The following KCNIP1 variants were observed in gnomAD, a reference collection of about 807,000 sequenced individuals.
KCNIP1 encodes the protein potassium voltage-gated channel interacting protein 1.
Under a neutral mutation model 33.0 loss-of-function variants are expected in KCNIP1, and 18 were observed. The observed-to-expected ratio is 0.55, with a 90% CI of 0.38 to 0.81. KCNIP1 has a LOEUF of 0.81. Ranked by LOEUF, KCNIP1 falls within the 30% of genes least tolerant of loss-of-function variation. The pLI is 0.00. For missense variants in KCNIP1, 238 were observed against 271.6 expected, an observed-to-expected ratio of 0.88 and a Z score of 0.87; for synonymous variants, 93 against 98.3, an observed-to-expected ratio of 0.95 and a Z score of 0.32.
At chr5:170,364,000 C>CTTT (rs56966570) in intron 1 of KCNIP1, among the ~76,000 whole-genome samples, 2 of 135,008 alleles carry the variant, frequency 1.5e-5, no homozygotes, top group Non-Finnish European at 1.6e-5. Flanking sequence ...AGTGTAATAT[C>CTTT]TTTTTTTTTT....
At chr5:170,536,536 C>T (rs1755990488) in intron 1 of KCNIP1, among the ~76,000 whole-genome samples, 1 of 152,180 alleles carries the variant, frequency 6.6e-6, no homozygotes, top group Admixed American at 6.5e-5. Context: ...TAGCTCCACC[C>T]TCCCCAAAGA....
intron 1 of KCNIP1, among the ~76,000 whole-genome samples, chr5:170,554,615 A>G (rs976707127): frequency 1.6e-4 from 24 of 152,174 alleles, no homozygotes; most frequent in Non-Finnish European, 3.4e-4. Flanking sequence ...CCAAGTGGAG[A>G]TTCACCAGCC....
chr5:170,401,391 C>G (rs551740298), intron 1 of KCNIP1, among the ~76,000 whole-genome samples: 9 of 152,180 alleles, frequency 5.9e-5, no homozygotes, highest in Admixed American at 1.3e-4. Context: ...TCTGGGAGTT[C>G]TCAGCAGAGC....
intron 5 of KCNIP1, 75 bp from the exon 6 acceptor site, chr5:170,732,725 G>T (rs145335476): frequency 2.2e-6 from 2 of 922,208 alleles, no homozygotes; most frequent in Non-Finnish European, 3.6e-6. Context: ...GGCACAAGGA[G>T]CCCCAAACTC....
At chr5:170,412,001 T>C (rs1472031598) in intron 1 of KCNIP1, among the ~76,000 whole-genome samples, 6 of 152,136 alleles carry the variant, frequency 3.9e-5, no homozygotes, top group Non-Finnish European at 7.4e-5. Flanking sequence ...TGTTTGGCAG[T>C]ACTAGTTCCC....
intron 1 of KCNIP1, among the ~76,000 whole-genome samples, chr5:170,449,706 T>C (rs183840969): frequency 6.6e-6 from 1 of 152,112 alleles, no homozygotes; most frequent in African/African-American, 2.4e-5. Context: ...AAATGCTGAG[T>C]GGACACCAGT....
At chr5:170,654,162 G>A (rs1002853312) in intron 1 of KCNIP1, among the ~76,000 whole-genome samples, 1 of 152,120 alleles carries the variant, frequency 6.6e-6, no homozygotes, top group Non-Finnish European at 1.5e-5. Flanking sequence ...CCTTCTCTGA[G>A]AAGGCTGCCC....
At chr5:170,411,195 C>CT (rs1755179010) in intron 1 of KCNIP1, among the ~76,000 whole-genome samples, 1 of 152,200 alleles carries the variant, frequency 6.6e-6, no homozygotes, top group African/African-American at 2.4e-5. Context: ...TGGCCAGGTG[C>CT]TACAGCTCCT....
chr5:170,376,037 T>C (rs1243510113), intron 1 of KCNIP1: 2 of 152,022 alleles, frequency 1.3e-5, no homozygotes, highest in African/African-American at 2.4e-5. Context: ...CATTTTTTTT[T>C]CCAAGGCAAA....
intron 1 of KCNIP1, among the ~76,000 whole-genome samples, chr5:170,602,354 A>G (rs879568386): frequency 6.6e-6 from 1 of 152,202 alleles, no homozygotes; most frequent in Non-Finnish European, 1.5e-5. Flanking sequence ...GCTGGGCCTC[A>G]ATGCCAGTGG....
chr5:170,618,469 AGGAAAGAAG>A (rs984877953), intron 1 of KCNIP1, among the ~76,000 whole-genome samples: 2 of 129,938 alleles, frequency 1.5e-5, no homozygotes, highest in Admixed American at 1.5e-4. Flanking sequence ...AAGAAAAGAA[AGGAAAGAAG>A]GAAGGAAGGA....
chr5:170,363,908 TTC>T (rs1360604979), intron 1 of KCNIP1, among the ~76,000 whole-genome samples: 1 of 152,110 alleles, frequency 6.6e-6, no homozygotes, highest in Non-Finnish European at 1.5e-5. Flanking sequence ...CCACTGTACT[TTC>T]TGTCTCTATT....
chr5:170,651,965 T>C (rs1173245499), intron 1 of KCNIP1, among the ~76,000 whole-genome samples: 1 of 152,192 alleles, frequency 6.6e-6, no homozygotes, highest in East Asian at 1.9e-4. Context: ...TAATCAAATA[T>C]AACTTGAAAG....
intron 1 of KCNIP1, chr5:170,483,094 C>A (rs144577165): frequency 2.2e-6 from 1 of 455,498 alleles, no homozygotes; most frequent in South Asian, 1.6e-5. Context: ...CCCGCAGAGC[C>A]GGATAGCTTG....
At chr5:170,419,622 T>C (rs146563966) in intron 1 of KCNIP1, among the ~76,000 whole-genome samples, 487 of 152,350 alleles carry the variant, frequency 3.2e-3, no homozygotes, top group Non-Finnish European at 5.5e-3. Flanking sequence ...AGACATAAAA[T>C]TGTGCACTTA....
At chr5:170,536,592 C>T (rs1481755789) in intron 1 of KCNIP1, among the ~76,000 whole-genome samples, 1 of 152,182 alleles carries the variant, frequency 6.6e-6, no homozygotes, top group African/African-American at 2.4e-5. Flanking sequence ...GCCCAGGTCT[C>T]AGTGGGCCAA....
chr5:170,446,096 C>A (rs910982189), intron 1 of KCNIP1, among the ~76,000 whole-genome samples: 2 of 152,186 alleles, frequency 1.3e-5, no homozygotes, highest in African/African-American at 4.8e-5. Context: ...ACTCTCTAAG[C>A]AGTAGCTGGC....
At chr5:170,598,476 G>A (rs1395768728) in intron 1 of KCNIP1, among the ~76,000 whole-genome samples, 1 of 152,032 alleles carries the variant, frequency 6.6e-6, no homozygotes, top group Non-Finnish European at 1.5e-5. Context: ...CCATTTTCTG[G>A]CCAACCCATT....
chr5:170,656,457 C>T (rs919018604), intron 1 of KCNIP1, among the ~76,000 whole-genome samples: 1 of 152,162 alleles, frequency 6.6e-6, no homozygotes, highest in African/African-American at 2.4e-5. Context: ...AGGACAGAAC[C>T]CAGAGAGACA....
Sources: allele counts gnomAD v4.1 joint callset (sites outside exome capture counted in the v4.1 genomes callset), GRCh38; gene constraint gnomAD v4.1.1; transcripts MANE v1.5; gene names NCBI Gene and HGNC (gene_info 2026-07-23, HGNC 2026-07-21).